The following PDZD2 variants were observed in gnomAD, a reference collection of about 807,000 sequenced individuals.
PDZD2 encodes the protein PDZ domain containing 2.
PDZD2 carries 90 observed loss-of-function variants against 220.7 expected under a neutral mutation model. The ratio of observed to expected loss-of-function variants is 0.41; its 90% CI spans 0.34 to 0.49. The LOEUF is 0.49. PDZD2 is among the 20% of genes least tolerant of loss of function. The probability of loss-of-function intolerance (pLI) is 0.28; values close to 1 mark genes in which losing one functional copy is unlikely to be tolerated. For missense variants in PDZD2, 3,174 were observed against 3,608.5 expected, an observed-to-expected ratio of 0.88 and a Z score of 3.08; for synonymous variants, 1,375 against 1,450.5, an observed-to-expected ratio of 0.95 and a Z score of 1.18.
intron 19 of PDZD2, among the ~76,000 whole-genome samples, chr5:32,086,599 C>A (rs1742473411): frequency 6.6e-6 from 1 of 152,108 alleles, no homozygotes; most frequent in Non-Finnish European, 1.5e-5. Context: ...TGTGGGTACT[C>A]TATAATTTTA....
At chr5:32,058,179 CTTG>C (rs1739289897) in intron 12 of PDZD2, 76 bp downstream of exon 12, 4 of 776,048 alleles carry the variant, frequency 5.2e-6, no homozygotes, top group East Asian at 2.6e-5. Flanking sequence ...TTAATTCTTC[CTTG>C]TTGTTCTATG....
At chr5:31,735,415 T>C (rs1019344334) in intron 1 of PDZD2, among the ~76,000 whole-genome samples, 1 of 152,194 alleles carries the variant, frequency 6.6e-6, no homozygotes, top group African/African-American at 2.4e-5. Context: ...GATGAGAGTA[T>C]GTAGCTTGAT....
chr5:31,930,007 C>T (rs1745115610), intron 2 of PDZD2, among the ~76,000 whole-genome samples: 1 of 151,964 alleles, frequency 6.6e-6, no homozygotes, highest in Non-Finnish European at 1.5e-5. Context: ...GGGACCTCTC[C>T]CCTCTAGCTC....
In PDZD2 at chr5:32,089,602, C is replaced by G. The variant is rs1342981533; in HGVS notation, c.6154C>G (p.Gln2052Glu). 1.2e-6 allele frequency: 2 copies of G among 1,612,780 alleles called. No homozygotes were observed. Among genetic ancestry groups the G allele is most frequent in the South Asian group, 2.2e-5 (2 of 91,088 alleles). The change falls in exon 20 of 25, where the codon CAG becomes GAG. Residue 2052 changes from glutamine (Q) to glutamate (E), a missense_variant. By Grantham distance (29) the Gln-to-Glu change is conservative. This residue lies in a region of PDZD2 where 1,861 missense variants were observed against 2,001.0 expected (regional missense o/e 0.93). Coordinates refer to ENST00000438447, the MANE Select transcript of PDZD2 (RefSeq NM_178140.4). The part of the protein sequence containing the change: ...RNGMSVAGNR[Q>E]SEPRLASHVA... ...CGGCATGTCCGTGGCAGGGAACAGA[C>G]AGAGTGAGCCGCGCCTGGCCAGCCA...
At chr5:32,096,227 G>A (rs1352735146) in intron 21 of PDZD2, among the ~76,000 whole-genome samples, 1 of 152,162 alleles carries the variant, frequency 6.6e-6, no homozygotes, top group Non-Finnish European at 1.5e-5. Flanking sequence ...CAATCCGTGT[G>A]TGAGCATACA....
intron 1 of PDZD2, among the ~76,000 whole-genome samples, chr5:31,696,964 G>A (rs992229483): frequency 6.6e-6 from 1 of 152,182 alleles, no homozygotes; most frequent in Admixed American, 6.5e-5. Flanking sequence ...CCAGGCCACA[G>A]AGTTCTGAGT....
At chr5:31,793,752 A>G (rs1174306694) in intron 1 of PDZD2, among the ~76,000 whole-genome samples, 2 of 152,234 alleles carry the variant, frequency 1.3e-5, no homozygotes, top group East Asian at 3.8e-4. Context: ...GGTTGCAGTG[A>G]GCCCAGATCG....
In PDZD2 at chr5:32,110,177, A is replaced by AT. The variant is rs1561635880; in HGVS notation, c.*2043dup. 6.6e-6 allele frequency: 1 copy of AT among 152,618 alleles called. No homozygotes were observed. Among genetic ancestry groups the AT allele is most frequent in the Non-Finnish European group, 1.5e-5 (1 of 68,036 alleles). 9.5% of individuals were successfully genotyped at this position (152,618 alleles called of 1,614,324 possible). A position where few individuals can be genotyped will look rare whatever the true frequency, so the allele number is the denominator to read the frequency against. ...TCCACTCTTACAGCTGTGCCTAATA[A>AT]TAATTAATTAATAAACGCACAGCCC... is the stretch of plus-strand genomic sequence containing the variant. On this transcript the variant is annotated 3_prime_UTR_variant, in exon 25 of 25. Transcript: ENST00000438447.
At chr5:31,805,467 C>T (rs1754660031) in intron 2 of PDZD2, among the ~76,000 whole-genome samples, 1 of 152,148 alleles carries the variant, frequency 6.6e-6, no homozygotes, top group Admixed American at 6.5e-5. Context: ...TACCCCTCTG[C>T]CTCCCAGCAA....
intron 16 of PDZD2, 70 bp downstream of exon 16, chr5:32,071,488 C>A: frequency 1.6e-6 from 2 of 1,223,668 alleles, no homozygotes; most frequent in Non-Finnish European, 2.4e-6. Context: ...GCCCACAAGT[C>A]AAGCCGGAGG....
At chr5:31,683,118 G>C (rs1453872171) in intron 1 of PDZD2, among the ~76,000 whole-genome samples, 1 of 150,460 alleles carries the variant, frequency 6.6e-6, no homozygotes, top group Non-Finnish European at 1.5e-5. Context: ...CAGCTCTGTG[G>C]CTCCCCTGCA....
intron 6 of PDZD2, among the ~76,000 whole-genome samples, chr5:32,016,341 C>A (rs72759693): frequency 6.6e-6 from 1 of 152,242 alleles, no homozygotes; most frequent in Non-Finnish European, 1.5e-5. Context: ...TTGGTTGATT[C>A]GTGGTGTCCT....
chr5:31,831,530 C>A (rs1176480863), intron 2 of PDZD2, among the ~76,000 whole-genome samples: 1 of 152,120 alleles, frequency 6.6e-6, no homozygotes, highest in African/African-American at 2.4e-5. Flanking sequence ...GGGTGGTTCA[C>A]AAGGTCAAGA....
intron 1 of PDZD2, among the ~76,000 whole-genome samples, chr5:31,745,496 C>T (rs563368939): frequency 6.6e-6 from 1 of 152,332 alleles, no homozygotes; most frequent in South Asian, 2.1e-4. Context: ...CTCTCACACA[C>T]GCCCTGGAGA....
intron 4 of PDZD2, among the ~76,000 whole-genome samples, chr5:31,998,375 TCTC>T (rs1373749061): frequency 2.0e-5 from 3 of 152,172 alleles, no homozygotes; most frequent in Non-Finnish European, 4.4e-5. Context: ...TTCTCTGGTG[TCTC>T]CTGTCTCCTG....
intron 2 of PDZD2, among the ~76,000 whole-genome samples, chr5:31,959,868 C>G (rs1748053268): frequency 6.6e-6 from 1 of 152,040 alleles, no homozygotes; most frequent in Non-Finnish European, 1.5e-5. Context: ...ACCCACTTGG[C>G]CATACCTCTC....
intron 1 of PDZD2, among the ~76,000 whole-genome samples, chr5:31,793,836 T>G (rs1003395968): frequency 6.6e-6 from 1 of 152,032 alleles, no homozygotes; most frequent in South Asian, 2.1e-4. Context: ...ATATTGAAAG[T>G]TGAAGGAAAC....
intron 2 of PDZD2, among the ~76,000 whole-genome samples, chr5:31,959,810 G>A (rs1748048895): frequency 6.6e-6 from 1 of 152,178 alleles, no homozygotes. Flanking sequence ...GAAGTCTGAA[G>A]TCAAGTGGTC....
chr5:31,701,209 T>A (rs1165230518), intron 1 of PDZD2, among the ~76,000 whole-genome samples: 1 of 151,972 alleles, frequency 6.6e-6, no homozygotes, highest in African/African-American at 2.4e-5. Context: ...ATATATATTT[T>A]TTTTTGAGGC....
Sources: allele counts gnomAD v4.1 joint callset (sites outside exome capture counted in the v4.1 genomes callset), GRCh38; gene constraint gnomAD v4.1.1; regional missense constraint gnomAD v4.1.1; transcripts MANE v1.5; gene names NCBI Gene and HGNC (gene_info 2026-07-23, HGNC 2026-07-21).